LOXL1: variants seen among roughly 807,000 people sequenced by gnomAD.
LOXL1 encodes lysyl oxidase homolog 1.
LOXL1 carries 31 observed loss-of-function variants against 62.2 expected under a neutral mutation model. The ratio of observed to expected loss-of-function variants is 0.50; its 90% CI spans 0.37 to 0.67. The LOEUF is 0.67. Among genes scored for constraint, LOXL1 ranks in the 30% least tolerant of loss-of-function variants. The probability of loss-of-function intolerance (pLI) is 0.00; values close to 1 mark genes in which losing one functional copy is unlikely to be tolerated. For missense variants in LOXL1, 775 were observed against 843.4 expected (o/e 0.92, Z 1.00); for synonymous variants, 403 against 384.4 (o/e 1.05, Z -0.56).
At chr15:73,938,280 T>TATCTATCTATC (rs1260562922) in intron 1 of LOXL1, among the ~76,000 whole-genome samples, 1 of 148,882 alleles carries the variant, frequency 6.7e-6, no homozygotes, top group African/African-American at 2.5e-5. Flanking sequence ...ACTCCGTATC[T>TATCTATCTATC]ATCTATCTAT....
intron 2 of LOXL1, among the ~76,000 whole-genome samples, chr15:73,944,510 C>T (rs1054250313): frequency 6.6e-6 from 1 of 152,184 alleles, no homozygotes; most frequent in Admixed American, 6.5e-5. Flanking sequence ...GAGGGATCAG[C>T]AAGGGCTGAG....
In LOXL1 at chr15:73,952,019, A is replaced by G. The variant is rs1462412924; in HGVS notation, c.*182A>G. On this transcript the variant is annotated 3_prime_UTR_variant, in exon 7 of 7. Coordinates refer to ENST00000261921, the MANE Select transcript of LOXL1 (RefSeq NM_005576.4). ...GATTCCGGACGCCAGACCCCATTTT[A>G]TACTTCACTTTTCTCTACAGTGTTG... 4.7e-6 allele frequency: 2 copies of G among 429,014 alleles called. No homozygotes were observed. Among genetic ancestry groups the G allele is most frequent in the Non-Finnish European group, 8.2e-6 (2 of 244,456 alleles). 26.6% of individuals were successfully genotyped at this position (429,014 alleles called of 1,614,324 possible). A position where few individuals can be genotyped will look rare whatever the true frequency, so the allele number is the denominator to read the frequency against.
In LOXL1 at chr15:73,947,785, G is replaced by A. The variant is rs200509679; in HGVS notation, c.1507-22G>A. The A allele has an allele frequency of 6.4e-5, 99 of 1,538,514 alleles. No individual in the cohort carries two copies. In the East Asian group the frequency reaches 6.6e-4, roughly 10 times the overall value. On this transcript the variant is annotated intron_variant, in intron 4 of 6. Transcript: ENST00000261921. ...CTGGGAAACAAGCAGCATCACAGCC[G>A]CTCCTCTTGTCCCTTTCCCAGGGCC...
chr15:73,927,829 C>T lies in LOXL1; in HGVS notation c.1046C>T (p.Ala349Val). ...TPPPGGERNG[A>V]QQGRLSVGSV... ...CCGCCGGGTGGGGAGCGGAACGGCGCGCAGCAGGGCCGCCTCAGCGTGGGC... is the reference window on the plus strand; with the variant it reads ...CCGCCGGGTGGGGAGCGGAACGGCGTGCAGCAGGGCCGCCTCAGCGTGGGC... Residue 349 changes from alanine (A) to valine (V), a missense_variant, in exon 1 of 7, where the codon GCG becomes GTG. By Grantham distance (64) the Ala-to-Val change is moderately conservative (BLOSUM62 0). Coordinates refer to ENST00000261921, the MANE Select transcript of LOXL1 (RefSeq NM_005576.4). 1 of 1,348,456 alleles carries T rather than the reference C, an allele frequency of 7.4e-7. No homozygotes were observed. Among genetic ancestry groups the T allele is most frequent in the Non-Finnish European group, 9.4e-7 (1 of 1,058,512 alleles). 83.5% of individuals were successfully genotyped at this position (1,348,456 alleles called of 1,614,324 possible).
rs73437795 is a variant in LOXL1, at chr15:73,950,064, G to A, written c.1718+490G>A. On this transcript the variant is annotated intron_variant, in intron 6 of 6. Coordinates refer to ENST00000261921, the MANE Select transcript of LOXL1 (RefSeq NM_005576.4). ...CTTTTCAAGTGGACTGGATTAAACAGTCACAGATTAGAAGTGATTCTGGTT... is the reference window on the plus strand; with the variant it reads ...CTTTTCAAGTGGACTGGATTAAACAATCACAGATTAGAAGTGATTCTGGTT... Among the ~76,000 whole-genome samples, 1,136 of 152,298 alleles carry A rather than the reference G, an allele frequency of 7.5e-3. 10 individuals carry two copies. Among genetic ancestry groups the A allele is most frequent in the African/African-American group, 0.026 (1,085 of 41,552 alleles).
intron 2 of LOXL1, among the ~76,000 whole-genome samples, chr15:73,944,452 G>T (rs1336876782): frequency 6.6e-6 from 1 of 152,186 alleles, no homozygotes; most frequent in Non-Finnish European, 1.5e-5. Context: ...TGGGAAAAGA[G>T]CCAGAAGGAC....
intron 1 of LOXL1, among the ~76,000 whole-genome samples, chr15:73,931,530 T>G (rs929481343): frequency 5.3e-5 from 8 of 151,996 alleles, no homozygotes; most frequent in Non-Finnish European, 1.2e-4. Context: ...TTCTCAAGCC[T>G]CCACAGCCCC....
At chr15:73,950,558 T>C (rs2068777305) in intron 6 of LOXL1, among the ~76,000 whole-genome samples, 1 of 151,864 alleles carries the variant, frequency 6.6e-6, no homozygotes, top group South Asian at 2.1e-4. Context: ...CAAGGCTCAG[T>C]GTGTGACCAG....
At chr15:73,951,018 TC>T (rs1487126723) in intron 6 of LOXL1, among the ~76,000 whole-genome samples, 4 of 152,144 alleles carry the variant, frequency 2.6e-5, no homozygotes, top group Non-Finnish European at 5.9e-5. Context: ...ACATTCCTGC[TC>T]CTCAGGGCCT....
intron 1 of LOXL1, among the ~76,000 whole-genome samples, chr15:73,940,215 G>A (rs912646522): frequency 1.6e-4 from 24 of 152,102 alleles, no homozygotes; most frequent in Admixed American, 1.6e-3. Context: ...GAGACTTCCC[G>A]CAACAAGAGG....
At position 73,927,579 on chromosome 15, in the gene LOXL1, C is replaced by T. The variant is rs2068595330; in HGVS notation, c.796C>T (p.Pro266Ser). The change falls in exon 1 of 7, where the codon CCC becomes TCC. Residue 266 changes from proline (P) to serine (S), a missense_variant. Pro to Ser is a moderately conservative substitution (Grantham distance 74, BLOSUM62 -1). Transcript: ENST00000261921. ...ERPYVPPPPP[P>S]PDGLDRRYSH... ...GCCCTACGTGCCGCCGCCGCCGCCG[C>T]CCCCCGACGGCCTGGACCGCCGCTA... 5.3e-6 allele frequency: 8 copies of T among 1,502,626 alleles called. No individual in the cohort carries two copies. The highest frequency in any genetic ancestry group is 7.1e-6 in the Non-Finnish European group (8 of 1,132,494). 93.1% of individuals were successfully genotyped at this position (1,502,626 alleles called of 1,614,324 possible).
At position 73,929,596 on chromosome 15, in the gene LOXL1, A is replaced by T. The variant is rs113049278; in HGVS notation, c.1102+1711A>T. On this transcript the variant is annotated intron_variant, in intron 1 of 6. Transcript: ENST00000261921. Reference sequence around the variant, plus strand: ...AAGAACCTGCAGGAGCTCAGGAAAAATCAGATGGCAGGTCCTTCTGTGGTG... The same window carrying T: ...AAGAACCTGCAGGAGCTCAGGAAAATTCAGATGGCAGGTCCTTCTGTGGTG... Among the ~76,000 whole-genome samples the T allele has an allele frequency of 6.7e-3, 1,022 of 152,320 alleles. 13 individuals carry two copies. The highest frequency in any genetic ancestry group is 0.023 in the African/African-American group (957 of 41,564).
chr15:73,938,284 T>TATCTATC (rs1317241228), intron 1 of LOXL1, among the ~76,000 whole-genome samples: 3 of 149,018 alleles, frequency 2.0e-5, no homozygotes, highest in Admixed American at 6.7e-5. Context: ...CGTATCTATC[T>TATCTATC]ATCTATCTAT....
chr15:73,927,516 G>A lies in LOXL1; in HGVS notation c.733G>A (p.Glu245Lys). The stretch of plus-strand genomic sequence containing the variant: ...GTACGGCGGCGGCGAAGAGCTGCCC[G>A]AGTACCCGCCTCAGGGCTTCTACCC... ...EEYGGGEELP[E>K]YPPQGFYPAP... Residue 245 changes from glutamate to lysine, a missense_variant, in exon 1 of 7, where the codon GAG becomes AAG. Physicochemically the swap from Glu to Lys is moderately conservative, Grantham distance 56. Transcript: ENST00000261921. 3 of 1,485,136 alleles carry A rather than the reference G, an allele frequency of 2.0e-6. No individual in the cohort carries two copies. The highest frequency in any genetic ancestry group is 2.7e-6 in the Non-Finnish European group (3 of 1,123,794). 92.0% of individuals were successfully genotyped at this position (1,485,136 alleles called of 1,614,324 possible).
At chr15:73,928,996 G>T (rs2068616157) in intron 1 of LOXL1, among the ~76,000 whole-genome samples, 1 of 152,150 alleles carries the variant, frequency 6.6e-6, no homozygotes, top group East Asian at 1.9e-4. Flanking sequence ...CCTCCTCTTG[G>T]GAAGGCCCAA....
In LOXL1 at chr15:73,949,562, G is replaced by A. The variant is rs2068770108; in HGVS notation, c.1706G>A (p.Cys569Tyr). The A allele has an allele frequency of 6.2e-7, 1 of 1,612,664 alleles. No individual in the cohort carries two copies. The highest frequency in any genetic ancestry group is 1.3e-5 in the African/African-American group (1 of 74,898). The change falls in exon 6 of 7, where the codon TGC becomes TAC. Residue 569 changes from cysteine (C) to tyrosine (Y), a missense_variant. Cys to Tyr is a radical substitution (Grantham distance 194). Transcript: ENST00000261921. ...YTGRYVSATN[C>Y]KIVQS ...GGTCGCTACGTTTCTGCAACAAACT[G>A]CAAAATTGTCCAGTAAGAGTTTGCC...
In LOXL1 at chr15:73,945,021, C is replaced by T. The variant is rs2068738715; in HGVS notation, c.1212-1396C>T. ...GCCAACAGAGTTAGCTGTCAGCCGT[C>T]AGCTAAAGAGGGGAGGGGCCTTCAG... On this transcript the variant is annotated intron_variant, in intron 2 of 6. Coordinates refer to ENST00000261921, the MANE Select transcript of LOXL1 (RefSeq NM_005576.4). This position sits in a 1 kb window ranked among gnomAD's most constrained non-coding sequence, Gnocchi z 4.3. Among the ~76,000 whole-genome samples, 1 of 152,208 alleles carries T rather than the reference C, an allele frequency of 6.6e-6. No homozygotes were observed. The highest frequency in any genetic ancestry group is 1.5e-5 in the Non-Finnish European group (1 of 68,044).
chr15:73,944,948 C>T (rs571151591), intron 2 of LOXL1, among the ~76,000 whole-genome samples: 2 of 152,338 alleles, frequency 1.3e-5, no homozygotes, highest in South Asian at 2.1e-4. Context: ...CCGCTCCCCT[C>T]TGGCCTTAGG....
At chr15:73,949,605 C>G in intron 6 of LOXL1, 31 bp downstream of exon 6, 1 of 1,474,506 alleles carries the variant, frequency 6.8e-7, no homozygotes, top group South Asian at 1.1e-5. Context: ...CTTCCTGGCT[C>G]CGTCCCTTTC....
Sources: gnomAD v4.1 joint callset for allele counts (sites outside exome capture counted in the v4.1 genomes callset) on GRCh38, gnomAD v4.1.1 for gene constraint, Gnocchi (gnomAD v3.1) non-coding constraint, MANE v1.5 for transcripts, NCBI Gene and HGNC (gene_info 2026-07-23, HGNC 2026-07-21) for gene names.